Variants in SDK2 observed in about 807,000 individuals in gnomAD.
SDK2 encodes the protein protein sidekick-2.
A neutral mutation model predicts 253.9 loss-of-function variants in SDK2; 105 were observed. The observed-to-expected ratio is 0.41, with a 90% CI of 0.35 to 0.49. The LOEUF is 0.49. SDK2 is among the 20% of genes least tolerant of loss of function. SDK2 has a pLI of 0.06. For synonymous variants in SDK2, 1,249 were observed against 1,234.9 expected, an observed-to-expected ratio of 1.01 and a Z score of -0.24; for missense variants, 2,608 against 3,003.0, an observed-to-expected ratio of 0.87 and a Z score of 3.07.
At chr17:73,589,575 G>C (rs1487401693) in intron 1 of SDK2, among the ~76,000 whole-genome samples, 1 of 152,234 alleles carries the variant, frequency 6.6e-6, no homozygotes, top group African/African-American at 2.4e-5. Context: ...TGGGGACATT[G>C]CTACTGGCTC....
intron 4 of SDK2, among the ~76,000 whole-genome samples, chr17:73,452,632 T>C (rs941510052): frequency 6.6e-6 from 1 of 151,896 alleles, no homozygotes; most frequent in Non-Finnish European, 1.5e-5. Flanking sequence ...AGAAAGGGTT[T>C]CACCCACCAC....
rs773569528 is a variant in SDK2 at position 73,368,461 on chromosome 17, C to T, written c.5113G>A (p.Ala1705Thr). Residue 1705 changes from alanine (A) to threonine (T), a missense_variant, in exon 37 of 45, where the codon GCC becomes ACC. By Grantham distance (58) the Ala-to-Thr change is moderately conservative. This residue lies in a region of SDK2 where 1,103 missense variants were observed against 1,143.9 expected (regional missense o/e 0.96). Coordinates refer to ENST00000392650, the MANE Select transcript of SDK2 (RefSeq NM_001144952.2). ...GTGCTCCGAGGCCCATCCCCAGCGG[C>T]GTTGAAGGCGGCCACGCTGACCATG... Reference protein sequence around the residue: ...AYMVSVAAFNAAGDGPRSTPT... With the variant: ...AYMVSVAAFNTAGDGPRSTPT... 48 of 1,605,964 alleles carry T rather than the reference C, an allele frequency of 3.0e-5. No homozygotes were observed. Among genetic ancestry groups the T allele is most frequent in the Non-Finnish European group, 3.6e-5 (42 of 1,176,542 alleles).
At position 73,379,694 on chromosome 17, in the gene SDK2, A is replaced by G; in HGVS notation, c.4763-145T>C. On this transcript the variant is annotated intron_variant, in intron 34 of 44. Coordinates refer to ENST00000392650, the MANE Select transcript of SDK2 (RefSeq NM_001144952.2). The surrounding 1 kb of genome is among the most constrained non-coding windows in gnomAD (Gnocchi z 4.5). ...CCTCTGTGAAGGTGCATGAAGGAGG[A>G]GGTGAGAGGCGGGGCCCCCAGGGGA... The G allele has an allele frequency of 1.6e-6, 1 of 608,966 alleles. No individual in the cohort carries two copies. Among genetic ancestry groups the G allele is most frequent in the Non-Finnish European group, 2.9e-6 (1 of 344,254 alleles). 37.7% of individuals were successfully genotyped at this position (608,966 alleles called of 1,614,324 possible). A position where few individuals can be genotyped will look rare whatever the true frequency, so the allele number is the denominator to read the frequency against.
At chr17:73,637,822 A>G (rs1022781752) in intron 1 of SDK2, among the ~76,000 whole-genome samples, 1 of 152,158 alleles carries the variant, frequency 6.6e-6, no homozygotes, top group African/African-American at 2.4e-5. Context: ...CCTTCACATC[A>G]TAAAGTTGGA....
At chr17:73,392,194 G>C (rs2062933752) in intron 27 of SDK2, among the ~76,000 whole-genome samples, 2 of 105,114 alleles carry the variant, frequency 1.9e-5, no homozygotes, top group African/African-American at 3.9e-5. Flanking sequence ...GGCAGGGGGT[G>C]GGGGAGGGTA....
intron 24 of SDK2, among the ~76,000 whole-genome samples, chr17:73,396,179 C>T (rs2145510444): frequency 6.6e-6 from 1 of 152,304 alleles, no homozygotes; most frequent in Middle Eastern, 3.4e-3. Context: ...AACCAGCCTC[C>T]TCCTTCTTGT....
At chr17:73,370,715 C>T (rs2062727260) in intron 36 of SDK2, among the ~76,000 whole-genome samples, 1 of 152,094 alleles carries the variant, frequency 6.6e-6, no homozygotes, top group Non-Finnish European at 1.5e-5. Context: ...GCTACCACAC[C>T]TGGCTATTTC....
At chr17:73,372,123 C>T (rs1312300947) in intron 36 of SDK2, among the ~76,000 whole-genome samples, 2 of 152,152 alleles carry the variant, frequency 1.3e-5, no homozygotes. Context: ...GGGCCTAGAA[C>T]CCAGGGACAG....
Position 73,466,620 on chromosome 17 carries a change from C to T in SDK2, c.331+5492G>A, listed in dbSNP as rs184718574. The stretch of plus-strand genomic sequence containing the variant: ...CTCTTATGTTCCTCAAACGATTTGC[C>T]TTCTAACCTCTCAGACCTGTCCTGG... On this transcript the variant is annotated intron_variant, in intron 3 of 44. Transcript: ENST00000392650. Among the ~76,000 whole-genome samples the T allele has an allele frequency of 5.3e-5, 8 of 151,690 alleles. No individual in the cohort carries two copies. The East Asian group carries it at 1.6e-3, about 30-fold the overall frequency.
At chr17:73,591,915 A>G (rs911172074) in intron 1 of SDK2, among the ~76,000 whole-genome samples, 1 of 152,158 alleles carries the variant, frequency 6.6e-6, no homozygotes, top group African/African-American at 2.4e-5. Flanking sequence ...CCAGGTCTGG[A>G]GTGCAGCGGA....
intron 1 of SDK2, among the ~76,000 whole-genome samples, chr17:73,574,420 C>A (rs11649980): frequency 9.1e-6 from 1 of 109,364 alleles, no homozygotes; most frequent in African/African-American, 3.5e-5. Context: ...CACGTGCATG[C>A]ACATGTGTAC....
At chr17:73,528,230 G>A (rs1018432903) in intron 1 of SDK2, among the ~76,000 whole-genome samples, 11 of 152,200 alleles carry the variant, frequency 7.2e-5, no homozygotes, top group Non-Finnish European at 1.6e-4. Context: ...CAGAGAGACA[G>A]GGGAGAGTGA....
At chr17:73,437,218 G>C (rs2063376863) in intron 8 of SDK2, among the ~76,000 whole-genome samples, 2 of 152,154 alleles carry the variant, frequency 1.3e-5, no homozygotes, top group South Asian at 4.1e-4. Flanking sequence ...CACCCTGGCT[G>C]CGGGCTGTCT....
chr17:73,560,523 A>G (rs1424562223), intron 1 of SDK2, among the ~76,000 whole-genome samples: 1 of 150,714 alleles, frequency 6.6e-6, no homozygotes, highest in Non-Finnish European at 1.5e-5. Context: ...TATTTTTAGT[A>G]GAGACGGTGT....
At chr17:73,430,447 G>T in intron 12 of SDK2, 64 bp downstream of exon 12, 1 of 1,260,710 alleles carries the variant, frequency 7.9e-7, no homozygotes, top group Non-Finnish European at 1.1e-6. Context: ...CACTCGCCCA[G>T]CTACAAGCTA....
At chr17:73,590,568 C>T (rs1241349384) in intron 1 of SDK2, among the ~76,000 whole-genome samples, 2 of 152,204 alleles carry the variant, frequency 1.3e-5, no homozygotes, top group South Asian at 4.1e-4. Flanking sequence ...TCTAAGTCTT[C>T]AACACACCCT....
At chr17:73,418,772 C>T (rs1020210174) in intron 16 of SDK2, among the ~76,000 whole-genome samples, 1 of 152,190 alleles carries the variant, frequency 6.6e-6, no homozygotes, top group East Asian at 1.9e-4. Flanking sequence ...AGAACTTTCA[C>T]TTTTCCATCA....
At chr17:73,412,286 A>G (rs1004784940) in intron 18 of SDK2, among the ~76,000 whole-genome samples, 17 of 147,452 alleles carry the variant, frequency 1.2e-4, no homozygotes, top group African/African-American at 2.6e-4. Context: ...GTGTGTGTGT[A>G]TATATATATG....
intron 13 of SDK2, among the ~76,000 whole-genome samples, 194 bp from the exon 14 acceptor site, chr17:73,423,716 AC>A (rs952629827): frequency 2.6e-5 from 4 of 151,704 alleles, no homozygotes; most frequent in African/African-American, 7.3e-5. Flanking sequence ...CCATCCTCAC[AC>A]CCCCCTGCTC....
Sources: gnomAD v4.1 joint callset for allele counts (sites outside exome capture counted in the v4.1 genomes callset) on GRCh38, gnomAD v4.1.1 for gene constraint, gnomAD v4.1.1 regional missense constraint, Gnocchi (gnomAD v3.1) non-coding constraint, MANE v1.5 for transcripts, NCBI Gene and HGNC (gene_info 2026-07-23, HGNC 2026-07-21) for gene names.